Variants in BNC2 observed in about 807,000 individuals in gnomAD.
BNC2 encodes basonuclin zinc finger protein 2.
Under a neutral mutation model 76.3 loss-of-function variants are expected in BNC2, and 20 were observed. The ratio of observed to expected loss-of-function variants is 0.26; its 90% CI spans 0.18 to 0.38. BNC2 has a LOEUF of 0.38. Among genes scored for constraint, BNC2 ranks in the 10% least tolerant of loss-of-function variants. The probability of loss-of-function intolerance (pLI) is 1.00; values close to 1 mark genes in which losing one functional copy is unlikely to be tolerated. For synonymous variants in BNC2, 582 were observed against 514.8 expected, an observed-to-expected ratio of 1.13 and a Z score of -1.77; for missense variants, 1,382 against 1,399.8, an observed-to-expected ratio of 0.99 and a Z score of 0.20.
At chr9:16,708,778 G>A (rs1250454643) in intron 3 of BNC2, among the ~76,000 whole-genome samples, 1 of 152,142 alleles carries the variant, frequency 6.6e-6, no homozygotes, top group East Asian at 1.9e-4. Flanking sequence ...CTGGCAGAGA[G>A]GAGGAGCTGG....
intron 3 of BNC2, among the ~76,000 whole-genome samples, chr9:16,724,147 G>A (rs1824246516): frequency 6.6e-6 from 1 of 151,876 alleles, no homozygotes; most frequent in Non-Finnish European, 1.5e-5. Context: ...ATAATAAAAG[G>A]TAAATGTCTC....
chr9:16,586,082 G>A (rs1400353872), intron 3 of BNC2, among the ~76,000 whole-genome samples: 1 of 151,872 alleles, frequency 6.6e-6, no homozygotes, highest in Non-Finnish European at 1.5e-5. Flanking sequence ...TTCCATTATT[G>A]GAAACTGTCT....
chr9:16,862,785 C>A (rs1819442730), intron 1 of BNC2, among the ~76,000 whole-genome samples: 2 of 152,034 alleles, frequency 1.3e-5, no homozygotes. Flanking sequence ...ACTCCCAACA[C>A]AAACCATAAT....
At chr9:16,537,303 T>G (rs1489809984) in intron 5 of BNC2, among the ~76,000 whole-genome samples, 1 of 152,134 alleles carries the variant, frequency 6.6e-6, no homozygotes, top group Admixed American at 6.5e-5. Flanking sequence ...TACATACGGT[T>G]TCCTTGAATC....
intron 1 of BNC2, among the ~76,000 whole-genome samples, chr9:16,819,845 C>A (rs1199390274): frequency 6.6e-6 from 1 of 151,692 alleles, no homozygotes; most frequent in Non-Finnish European, 1.5e-5. Flanking sequence ...TGGCAATAGG[C>A]CAGGTGTAGT....
chr9:16,510,429 C>A (rs907853412), intron 5 of BNC2, among the ~76,000 whole-genome samples: 17 of 152,182 alleles, frequency 1.1e-4, no homozygotes, highest in Admixed American at 8.5e-4. Context: ...TATAAAAAGG[C>A]AGGAAACACA....
At chr9:16,618,166 C>T (rs1219726923) in intron 3 of BNC2, among the ~76,000 whole-genome samples, 1 of 152,158 alleles carries the variant, frequency 6.6e-6, no homozygotes. Flanking sequence ...AGGCCAGTGC[C>T]TTGGGGACTG....
At chr9:16,772,252 A>G (rs1486732103) in intron 1 of BNC2, among the ~76,000 whole-genome samples, 1 of 152,180 alleles carries the variant, frequency 6.6e-6, no homozygotes, top group African/African-American at 2.4e-5. Context: ...CCAGGGGTGT[A>G]TATAAAAATA....
chr9:16,662,608 T>A (rs982716890), intron 3 of BNC2, among the ~76,000 whole-genome samples: 1 of 152,158 alleles, frequency 6.6e-6, no homozygotes, highest in Non-Finnish European at 1.5e-5. Context: ...TGGTGGTGCA[T>A]GCCTGTAGTC....
At chr9:16,729,692 G>C (rs953016240) in intron 2 of BNC2, among the ~76,000 whole-genome samples, 1 of 152,126 alleles carries the variant, frequency 6.6e-6, no homozygotes, top group Non-Finnish European at 1.5e-5. Context: ...TTCTTGCTGG[G>C]GGGGAGGGCA....
intron 3 of BNC2, among the ~76,000 whole-genome samples, chr9:16,691,457 A>C (rs1450233334): frequency 1.3e-5 from 2 of 151,476 alleles, no homozygotes; most frequent in Non-Finnish European, 2.9e-5. Flanking sequence ...CATTGGAGAA[A>C]ATGAGAATGA....
At chr9:16,529,043 A>T (rs1327032357) in intron 5 of BNC2, among the ~76,000 whole-genome samples, 1 of 152,176 alleles carries the variant, frequency 6.6e-6, no homozygotes, top group Non-Finnish European at 1.5e-5. Context: ...CTCTGCCGCC[A>T]TCTTTACCTC....
intron 1 of BNC2, among the ~76,000 whole-genome samples, chr9:16,860,413 G>T (rs1819368356): frequency 6.6e-6 from 1 of 152,044 alleles, no homozygotes; most frequent in South Asian, 2.1e-4. Context: ...TTTTGACAAG[G>T]GTACCCAGAC....
intron 3 of BNC2, chr9:16,726,758 T>C (rs1824336864): frequency 6.6e-6 from 1 of 152,164 alleles, no homozygotes; most frequent in African/African-American, 2.4e-5. Context: ...GGGTTTGGTG[T>C]AGGCTTTGGA....
intron 1 of BNC2, among the ~76,000 whole-genome samples, chr9:16,786,318 C>G (rs568110843): frequency 6.6e-6 from 1 of 152,006 alleles, no homozygotes; most frequent in Non-Finnish European, 1.5e-5. Context: ...AAAGACTGAG[C>G]CATTGGAGAA....
At chr9:16,643,908 T>C (rs1162051228) in intron 3 of BNC2, among the ~76,000 whole-genome samples, 1 of 152,158 alleles carries the variant, frequency 6.6e-6, no homozygotes. Context: ...GTAGCCAGTT[T>C]TAAAAATCTT....
intron 4 of BNC2, among the ~76,000 whole-genome samples, chr9:16,575,738 T>C (rs1272433650): frequency 6.6e-6 from 1 of 152,104 alleles, no homozygotes; most frequent in East Asian, 1.9e-4. Context: ...GGCAGGAAAA[T>C]GGCCTTGCTT....
chr9:16,793,460 G>A (rs1586888618), intron 1 of BNC2, among the ~76,000 whole-genome samples: 2 of 152,164 alleles, frequency 1.3e-5, no homozygotes, highest in East Asian at 3.9e-4. Flanking sequence ...CTTTGGGAAG[G>A]ATCAATTCTA....
rs754256760 is a variant in BNC2 at position 16,529,194 on chromosome 9, CAAA to C, written c.669+23333_669+23335del. ...AAAATCCTTGACTTAATCACATCTG[CAAA>C]AACCCTTTTTTCCAAATAAGGTACC... is the stretch of plus-strand genomic sequence containing the variant. On this transcript the variant is annotated intron_variant, in intron 5 of 6. Coordinates refer to ENST00000380672, the MANE Select transcript of BNC2 (RefSeq NM_017637.6). Among the ~76,000 whole-genome samples, 5 of 152,126 alleles carry C rather than the reference CAAA, an allele frequency of 3.3e-5. 1 individual carries two copies. The highest frequency in any genetic ancestry group is 7.4e-5 in the Non-Finnish European group (5 of 68,022).
Sources: gnomAD v4.1 joint callset for allele counts (sites outside exome capture counted in the v4.1 genomes callset) on GRCh38, gnomAD v4.1.1 for gene constraint, MANE v1.5 for transcripts, NCBI Gene and HGNC (gene_info 2026-07-23, HGNC 2026-07-21) for gene names.